The following COPS3 variants were observed in gnomAD, a reference collection of about 807,000 sequenced individuals.
The protein encoded by COPS3 is COP9 signalosome subunit 3, also known as COP9 signalosome complex subunit 3.
Under a neutral mutation model 58.2 loss-of-function variants are expected in COPS3, and 10 were observed. That is an observed-to-expected ratio of 0.17 (90% CI 0.11 to 0.29). The LOEUF is 0.29. Among genes scored for constraint, COPS3 ranks in the 10% least tolerant of loss-of-function variants. The pLI is 1.00. For missense variants in COPS3, 333 were observed against 510.1 expected (o/e 0.65, Z 3.34); for synonymous variants, 187 against 181.7 (o/e 1.03, Z -0.24).
chr17:17,270,056 C>A (rs1294464900), intron 4 of COPS3, among the ~76,000 whole-genome samples: 1 of 152,022 alleles, frequency 6.6e-6, no homozygotes, highest in African/African-American at 2.4e-5. Flanking sequence ...ACTCAGGAGG[C>A]TGAGGCAGAA....
chr17:17,277,655 A>G (rs1027874030), intron 1 of COPS3, among the ~76,000 whole-genome samples: 1 of 152,190 alleles, frequency 6.6e-6, no homozygotes, highest in African/African-American at 2.4e-5. Context: ...CCTGGGCTCA[A>G]GCAATCCTCC....
At chr17:17,267,289 G>C (rs1005879189) in intron 5 of COPS3, among the ~76,000 whole-genome samples, 1 of 144,706 alleles carries the variant, frequency 6.9e-6, no homozygotes, top group African/African-American at 2.6e-5. Flanking sequence ...AGTGAGCTGA[G>C]ATGGCGCCAG....
At chr17:17,280,178 G>A (rs1318905976) in intron 1 of COPS3, among the ~76,000 whole-genome samples, 2 of 152,188 alleles carry the variant, frequency 1.3e-5, no homozygotes, top group African/African-American at 2.4e-5. Context: ...TTGGGAGGCC[G>A]AGGCCAGTGG....
intron 4 of COPS3, 105 bp from the exon 5 acceptor site, chr17:17,268,082 T>G (rs1159322040): frequency 2.9e-6 from 4 of 1,388,914 alleles, no homozygotes; most frequent in Non-Finnish European, 3.8e-6. Context: ...GATAGGTTCC[T>G]TTAAATAGCA....
At chr17:17,267,392 G>C (rs1338228547) in intron 5 of COPS3, among the ~76,000 whole-genome samples, 1 of 150,796 alleles carries the variant, frequency 6.6e-6, no homozygotes, top group Non-Finnish European at 1.5e-5. Flanking sequence ...TGTAATCCTA[G>C]CACTTTGGGA....
intron 9 of COPS3, 130 bp from the exon 10 acceptor site, chr17:17,249,169 C>T (rs895738715): frequency 1.0e-5 from 6 of 579,286 alleles, no homozygotes; most frequent in East Asian, 8.5e-5. Flanking sequence ...TATTTTTAAG[C>T]GCCATCTGTT....
chr17:17,247,673 A>T, intron 10 of COPS3, 113 bp from the exon 11 acceptor site: 1 of 1,008,840 alleles, frequency 9.9e-7, no homozygotes, highest in South Asian at 1.5e-5. Flanking sequence ...TTGATGTGAA[A>T]CCCCTGGGGC....
In COPS3 at chr17:17,281,037, T is replaced by G; in HGVS notation, c.55+95A>C. ...CGGCCCCGGAGAAGAGTCTCAGGAC[T>G]AAAAGGGCTGTTCCAGCCGTCCGTG... On this transcript the variant is annotated intron_variant, in intron 1 of 11. Transcript: ENST00000268717. 7 of 1,393,478 alleles carry G rather than the reference T, an allele frequency of 5.0e-6. No individual in the cohort carries two copies. In the Admixed American group the frequency reaches 8.1e-5, roughly 16 times the overall value. 86.3% of individuals were successfully genotyped at this position (1,393,478 alleles called of 1,614,324 possible).
chr17:17,264,311 T>G (rs932202928), intron 6 of COPS3, among the ~76,000 whole-genome samples: 1 of 151,078 alleles, frequency 6.6e-6, no homozygotes, highest in African/African-American at 2.4e-5. Flanking sequence ...TCCAGAATAT[T>G]CTACCAAATT....
chr17:17,267,307 G>A (rs1261989715), intron 5 of COPS3, among the ~76,000 whole-genome samples: 22 of 129,028 alleles, frequency 1.7e-4, no homozygotes, highest in African/African-American at 5.3e-4. Flanking sequence ...CAGCCTGGGC[G>A]ACAGAGCAAG....
chr17:17,280,916 G>A, intron 1 of COPS3: 2 of 896,310 alleles, frequency 2.2e-6, no homozygotes, highest in Non-Finnish European at 3.2e-6. Context: ...CCCGAGGGAG[G>A]GGAGGCCGGC....
intron 2 of COPS3, among the ~76,000 whole-genome samples, chr17:17,274,449 G>A (rs2048417773): frequency 1.7e-5 from 1 of 59,200 alleles, no homozygotes; most frequent in South Asian, 5.5e-4. Flanking sequence ...TTGAGACAGA[G>A]TCTCACACTC....
chr17:17,280,706 G>A, intron 1 of COPS3: 1 of 1,265,300 alleles, frequency 7.9e-7, no homozygotes, highest in Non-Finnish European at 1.0e-6. Flanking sequence ...CTCGCCTCCC[G>A]CCCGCTCCCG....
chr17:17,249,062 A>T (rs79888342), intron 9 of COPS3, 23 bp from the exon 10 acceptor site: 1 of 1,350,452 alleles, frequency 7.4e-7, no homozygotes, highest in Non-Finnish European at 1.0e-6. Context: ...AAAAAAAAAA[A>T]TCAGGAAAGC....
At chr17:17,262,189 TAA>T (rs1413044201) in intron 6 of COPS3, 83 bp from the exon 7 acceptor site, 34 of 1,241,442 alleles carry the variant, frequency 2.7e-5, no homozygotes, top group African/African-American at 1.2e-4. Flanking sequence ...ACATTAATTA[TAA>T]GTCAATAATA....
chr17:17,261,253 A>G (rs917569233), intron 7 of COPS3, among the ~76,000 whole-genome samples: 4 of 152,046 alleles, frequency 2.6e-5, no homozygotes, highest in South Asian at 2.1e-4. Flanking sequence ...AGGGCCGGGC[A>G]TGGTGGCTCA....
chr17:17,260,194 C>G, intron 8 of COPS3, 107 bp downstream of exon 8: 1 of 1,084,498 alleles, frequency 9.2e-7, no homozygotes, highest in Non-Finnish European at 1.3e-6. Context: ...GAAATCCTGC[C>G]ATGCTTTATC....
At chr17:17,272,911 A>G (rs1175216750) in intron 2 of COPS3, among the ~76,000 whole-genome samples, 1 of 152,242 alleles carries the variant, frequency 6.6e-6, no homozygotes, top group East Asian at 1.9e-4. Context: ...CAAAAAAAGA[A>G]AAAGTATCAA....
intron 5 of COPS3, among the ~76,000 whole-genome samples, 167 bp downstream of exon 5, chr17:17,267,718 T>G (rs2145233485): frequency 6.6e-6 from 1 of 152,258 alleles, no homozygotes; most frequent in East Asian, 1.9e-4. Context: ...TCCTACAGTT[T>G]GCATCCAGCA....
Sources: allele counts gnomAD v4.1 joint callset (sites outside exome capture counted in the v4.1 genomes callset), GRCh38; gene constraint gnomAD v4.1.1; transcripts MANE v1.5; gene names NCBI Gene and HGNC (gene_info 2026-07-23, HGNC 2026-07-21).